PRKCE: variants seen among roughly 807,000 people sequenced by gnomAD.
The protein encoded by PRKCE is protein kinase C epsilon, also known as protein kinase C epsilon type.
A neutral mutation model predicts 85.4 loss-of-function variants in PRKCE; 16 were observed. The ratio of observed to expected loss-of-function variants is 0.19; its 90% CI spans 0.13 to 0.28. The LOEUF (loss-of-function observed/expected upper bound fraction) is 0.28, where lower values mean the gene tolerates loss of function less well. Among genes scored for constraint, PRKCE ranks in the 10% least tolerant of loss-of-function variants. The probability of loss-of-function intolerance (pLI) is 1.00; values close to 1 mark genes in which losing one functional copy is unlikely to be tolerated. For missense variants in PRKCE, 573 were observed against 975.2 expected, an observed-to-expected ratio of 0.59 and a Z score of 5.49; for synonymous variants, 388 against 371.5, an observed-to-expected ratio of 1.04 and a Z score of -0.51.
chr2:45,842,152 T>C (rs1161641199), intron 1 of PRKCE, among the ~76,000 whole-genome samples: 1 of 152,232 alleles, frequency 6.6e-6, no homozygotes, highest in Non-Finnish European at 1.5e-5. Context: ...CCCAGCCCTC[T>C]GGCTTTTGTC....
chr2:46,065,658 A>G (rs1053143227), intron 10 of PRKCE, among the ~76,000 whole-genome samples: 6 of 152,208 alleles, frequency 3.9e-5, no homozygotes, highest in African/African-American at 9.6e-5. Context: ...TCTTTGCTTT[A>G]TCTTCCTAAT....
chr2:45,715,523 T>G (rs1680013789), intron 1 of PRKCE, among the ~76,000 whole-genome samples: 1 of 152,228 alleles, frequency 6.6e-6, no homozygotes, highest in Non-Finnish European at 1.5e-5. Context: ...CCAGTGTCCT[T>G]CATTGTCACA....
At chr2:45,990,387 T>G (rs1703692009) in intron 6 of PRKCE, among the ~76,000 whole-genome samples, 1 of 152,142 alleles carries the variant, frequency 6.6e-6, no homozygotes, top group South Asian at 2.1e-4. Flanking sequence ...TAGAAGAGAA[T>G]CACTACGTCC....
chr2:45,904,988 C>A (rs1696867253), intron 2 of PRKCE, among the ~76,000 whole-genome samples: 1 of 152,194 alleles, frequency 6.6e-6, no homozygotes, highest in South Asian at 2.1e-4. Context: ...CTTTGTTGAC[C>A]ATTGTACAGA....
At chr2:45,819,636 A>G (rs972132894) in intron 1 of PRKCE, among the ~76,000 whole-genome samples, 1 of 152,072 alleles carries the variant, frequency 6.6e-6, no homozygotes, top group African/African-American at 2.4e-5. Context: ...CACACATACT[A>G]CAGATGGGAT....
intron 2 of PRKCE, among the ~76,000 whole-genome samples, chr2:45,898,369 G>A (rs1258544500): frequency 6.6e-6 from 1 of 152,188 alleles, no homozygotes; most frequent in Non-Finnish European, 1.5e-5. Context: ...TCTACCTGCT[G>A]GAAGCTGTCT....
chr2:46,055,062 C>T (rs933053572), intron 10 of PRKCE, among the ~76,000 whole-genome samples: 12 of 152,334 alleles, frequency 7.9e-5, no homozygotes, highest in African/African-American at 2.6e-4. Flanking sequence ...CGTTCGTGAT[C>T]ACATTCCTCC....
At chr2:45,883,610 G>C (rs1463409857) in intron 2 of PRKCE, among the ~76,000 whole-genome samples, 1 of 152,160 alleles carries the variant, frequency 6.6e-6, no homozygotes, top group Non-Finnish European at 1.5e-5. Flanking sequence ...GTATACTATA[G>C]TTCTTACACA....
At chr2:45,662,757 G>C (rs1037238430) in intron 1 of PRKCE, among the ~76,000 whole-genome samples, 1 of 150,698 alleles carries the variant, frequency 6.6e-6, no homozygotes, top group Non-Finnish European at 1.5e-5. Context: ...ATTTTTGATA[G>C]CTTGCTTCTT....
chr2:46,067,269 A>G (rs1370920175), intron 10 of PRKCE, among the ~76,000 whole-genome samples: 1 of 152,230 alleles, frequency 6.6e-6, no homozygotes, highest in Non-Finnish European at 1.5e-5. Context: ...AATGACGTGC[A>G]TTATATATAC....
chr2:45,666,656 T>C (rs1477123247), intron 1 of PRKCE, among the ~76,000 whole-genome samples: 1 of 152,094 alleles, frequency 6.6e-6, no homozygotes, highest in African/African-American at 2.4e-5. Flanking sequence ...TTTTGGCTCT[T>C]GGAATTGCGG....
chr2:45,672,618 A>G (rs1431463193), intron 1 of PRKCE, among the ~76,000 whole-genome samples: 1 of 152,212 alleles, frequency 6.6e-6, no homozygotes, highest in Non-Finnish European at 1.5e-5. Flanking sequence ...AGGTTGCGGC[A>G]ATTGACCAGA....
rs1677554076 is a variant in PRKCE at position 46,159,563 on chromosome 2, C to T, written c.1921-43C>T. 2.6e-6 allele frequency: 4 copies of T among 1,552,742 alleles called. No homozygotes were observed. The highest frequency in any genetic ancestry group is 3.5e-6 in the Non-Finnish European group (4 of 1,156,522). ...TCTGTCCCTTATAGCCTGTGCTGGC[C>T]AGGCCTTTGTCACTAATTCCGACTC... is the stretch of plus-strand genomic sequence containing the variant. On this transcript the variant is annotated intron_variant, in intron 13 of 14. Transcript: ENST00000306156. The surrounding 1 kb of genome is among the most constrained non-coding windows in gnomAD (Gnocchi z 4.1).
At position 45,652,094 on chromosome 2, in the gene PRKCE, C is replaced by T; in HGVS notation, c.-7C>T. 1 of 1,533,596 alleles carries T rather than the reference C, an allele frequency of 6.5e-7. No homozygotes were observed. Among genetic ancestry groups the T allele is most frequent in the Non-Finnish European group, 8.8e-7 (1 of 1,137,284 alleles). The allele number at this position is 1,533,596 out of a possible 1,614,324, so 95.0% of individuals were successfully genotyped here. A position where few individuals can be genotyped will look rare whatever the true frequency, so the allele number is the denominator to read the frequency against. On this transcript the variant is annotated 5_prime_UTR_variant, in exon 1 of 15. Transcript: ENST00000306156. This position sits in a 1 kb window ranked among gnomAD's most constrained non-coding sequence, Gnocchi z 7.7. Reference sequence around the variant, plus strand: ...AGTGACCCCGGCCCCCACTCCCCGCCCCGACCATGGTAGTGTTCAATGGCC... The same window carrying T: ...AGTGACCCCGGCCCCCACTCCCCGCTCCGACCATGGTAGTGTTCAATGGCC...
At chr2:45,809,386 C>A (rs1241821086) in intron 1 of PRKCE, among the ~76,000 whole-genome samples, 1 of 151,678 alleles carries the variant, frequency 6.6e-6, no homozygotes, top group Admixed American at 6.6e-5. Context: ...GGCTCTGGGG[C>A]AAAAAAGCTT....
intron 14 of PRKCE, chr2:46,167,844 G>A (rs560023224): frequency 1.3e-5 from 2 of 150,262 alleles, no homozygotes; most frequent in South Asian, 4.2e-4. Context: ...GTTTTTGCTG[G>A]GTACAGCTGT....
chr2:46,129,288 C>T (rs529352786), intron 11 of PRKCE, among the ~76,000 whole-genome samples: 1 of 152,276 alleles, frequency 6.6e-6, no homozygotes, highest in Admixed American at 6.5e-5. Flanking sequence ...CAGAATGATA[C>T]CTCCCATCCA....
chr2:46,123,297 G>A (rs1221337740), intron 11 of PRKCE, among the ~76,000 whole-genome samples: 2 of 124,382 alleles, frequency 1.6e-5, no homozygotes, highest in African/African-American at 6.4e-5. Flanking sequence ...CAAAGCACAT[G>A]CTTTAATATC....
At chr2:45,866,775 A>G (rs1163870347) in intron 2 of PRKCE, among the ~76,000 whole-genome samples, 3 of 152,260 alleles carry the variant, frequency 2.0e-5, no homozygotes, top group Non-Finnish European at 4.4e-5. Flanking sequence ...TCAATAGTCA[A>G]CATGCGTCCA....
Sources: allele counts gnomAD v4.1 joint callset (sites outside exome capture counted in the v4.1 genomes callset), GRCh38; gene constraint gnomAD v4.1.1; non-coding constraint Gnocchi (gnomAD v3.1); transcripts MANE v1.5; gene names NCBI Gene and HGNC (gene_info 2026-07-23, HGNC 2026-07-21).